The following NLRP3 variants were observed in gnomAD, a reference collection of about 807,000 sequenced individuals.
NLRP3 encodes the protein NLR family pyrin domain containing 3.
Under a neutral mutation model 91.3 loss-of-function variants are expected in NLRP3, and 48 were observed. That is an observed-to-expected ratio of 0.53 (90% CI 0.42 to 0.67). The LOEUF is 0.67. NLRP3 is among the 30% of genes least tolerant of loss of function. The probability of loss-of-function intolerance (pLI) is 0.00; values close to 1 mark genes in which losing one functional copy is unlikely to be tolerated. For synonymous variants in NLRP3, 561 were observed against 507.9 expected (o/e 1.10, Z -1.41); for missense variants, 982 against 1,276.9 (o/e 0.77, Z 3.52).
intron 9 of NLRP3, among the ~76,000 whole-genome samples, chr1:247,446,574 C>T (rs1664598219): frequency 6.6e-6 from 1 of 152,202 alleles, no homozygotes; most frequent in South Asian, 2.1e-4. Flanking sequence ...CTAGAACTCT[C>T]TCCCCTTCAG....
chr1:247,432,861 T>G (rs1414221305), intron 5 of NLRP3, among the ~76,000 whole-genome samples: 1 of 151,946 alleles, frequency 6.6e-6, no homozygotes, highest in Non-Finnish European at 1.5e-5. Flanking sequence ...TGTGCGTGTG[T>G]GTTTGTGTGC....
At chr1:247,427,004 A>G (rs963514223) in intron 4 of NLRP3, among the ~76,000 whole-genome samples, 5 of 152,220 alleles carry the variant, frequency 3.3e-5, no homozygotes, top group Admixed American at 3.3e-4. Flanking sequence ...TCAGGTTGCC[A>G]TAACAAAACA....
At chr1:247,417,421 T>C (rs1662136058) in intron 1 of NLRP3, among the ~76,000 whole-genome samples, 2 of 152,232 alleles carry the variant, frequency 1.3e-5, no homozygotes, top group South Asian at 4.1e-4. Flanking sequence ...ATTATAATGA[T>C]AACAATTGCG....
intron 9 of NLRP3, among the ~76,000 whole-genome samples, chr1:247,445,024 C>T (rs1003470747): frequency 1.3e-5 from 2 of 152,134 alleles, no homozygotes; most frequent in Admixed American, 1.3e-4. Context: ...GTTAGAATCA[C>T]CAAGGCTAAG....
Position 247,444,017 on chromosome 1 carries a change from C to T in NLRP3, c.2709C>T (p.Ser903=), listed in dbSNP as rs145787821. 1.9e-6 allele frequency: 3 copies of T among 1,614,146 alleles called. No homozygotes were observed. In the South Asian group the frequency reaches 3.3e-5, roughly 18 times the overall value. Residue 903 remains serine (S), a synonymous_variant, in exon 8 of 10, where the codon TCC becomes TCT. Coordinates refer to ENST00000336119, the MANE Select transcript of NLRP3 (RefSeq NM_001243133.2). ...GLTSVCCSAL[S]SVLSTNQNLT... ...CGTCAGTCTGTTGTTCAGCTTTGTC[C>T]TCGGTACTCAGCACTAATCAGAATC...
chr1:247,424,624 C>A lies in NLRP3; in HGVS notation c.1175C>A (p.Ala392Glu), dbSNP rs1553286687. 1.9e-6 allele frequency: 3 copies of A among 1,614,248 alleles called. No individual in the cohort carries two copies. Among genetic ancestry groups the A allele is most frequent in the Non-Finnish European group, 1.7e-6 (2 of 1,180,054 alleles). Residue 392 changes from alanine (A) to glutamate (E), a missense_variant, in exon 4 of 10, where the codon GCA (alanine) becomes GAA (glutamate). Coordinates refer to ENST00000336119, the MANE Select transcript of NLRP3 (RefSeq NM_001243133.2). The surrounding 1 kb of genome is among the most constrained non-coding windows in gnomAD (Gnocchi z 8.1). ...KYFSDEAQARAAFSLIQENEV... is the reference protein window; with the variant it reads ...KYFSDEAQAREAFSLIQENEV... ...TTCTCTGATGAGGCCCAAGCCAGGG[C>A]AGCCTTCAGTCTGATTCAGGAGAAC...
chr1:247,418,341 G>A lies in NLRP3; in HGVS notation c.-460G>A, dbSNP rs199475727. On this transcript the variant is annotated 5_prime_UTR_variant, in exon 2 of 10. Transcript: ENST00000336119. ...TTTTGAGATGGAGTCTTGCTGTGTC[G>A]CCTAGGCTGGAGTGCAGTGGCGTGA... The A allele has an allele frequency of 4.6e-4, 98 of 212,248 alleles. No individual in the cohort carries two copies. Among genetic ancestry groups the A allele is most frequent in the Non-Finnish European group, 7.5e-4 (77 of 103,294 alleles). The allele number at this position is 212,248 out of a possible 1,614,324, so 13.1% of individuals were successfully genotyped here. A position where few individuals can be genotyped will look rare whatever the true frequency, so the allele number is the denominator to read the frequency against.
At chr1:247,435,467 C>T (rs74772537) in intron 6 of NLRP3, among the ~76,000 whole-genome samples, 1,524 of 152,226 alleles carry the variant, frequency 0.01, 9 homozygotes, top group Non-Finnish European at 0.016. Context: ...AAGCTAGACT[C>T]GAAAGGGCAA....
At chr1:247,447,079 T>C (rs777914283) in intron 9 of NLRP3, among the ~76,000 whole-genome samples, 27 of 152,344 alleles carry the variant, frequency 1.8e-4, no homozygotes, top group Non-Finnish European at 2.8e-4. Context: ...GAAGAATCCA[T>C]GAATGCAATC....
intron 7 of NLRP3, among the ~76,000 whole-genome samples, chr1:247,441,155 CTCTCTT>C (rs1413890829): frequency 0.02 from 2,984 of 148,364 alleles, 104 homozygotes; most frequent in African/African-American, 0.07. Flanking sequence ...TTCTCTCTCT[CTCTCTT>C]TCTTTCTTTC....
chr1:247,428,889 T>C (rs1160681835), intron 4 of NLRP3, among the ~76,000 whole-genome samples: 1 of 126,942 alleles, frequency 7.9e-6, no homozygotes, highest in Non-Finnish European at 1.7e-5. Context: ...CTTGCGATTT[T>C]CTTTTTCTTT....
chr1:247,439,313 T>G (rs1276351007), intron 7 of NLRP3, among the ~76,000 whole-genome samples: 1 of 152,218 alleles, frequency 6.6e-6, no homozygotes, highest in African/African-American at 2.4e-5. Context: ...CCCTCAGTTC[T>G]GGAGGCCAGA....
intron 9 of NLRP3, among the ~76,000 whole-genome samples, chr1:247,445,744 C>A (rs1190719887): frequency 1.3e-5 from 2 of 152,158 alleles, no homozygotes; most frequent in Non-Finnish European, 2.9e-5. Flanking sequence ...CCTGGGTTTT[C>A]TCCTATTTCA....
At position 247,418,681 on chromosome 1, in the gene NLRP3, G is replaced by A. The variant is rs1572151366; in HGVS notation, c.-120G>A. 7 of 1,235,046 alleles carry A rather than the reference G, an allele frequency of 5.7e-6. No individual in the cohort carries two copies. The Middle Eastern group carries it at 8.1e-4, about 143-fold the overall frequency. The allele number at this position is 1,235,046 out of a possible 1,614,324, so 76.5% of individuals were successfully genotyped here. On this transcript the variant is annotated 5_prime_UTR_variant, in exon 2 of 10. Transcript: ENST00000336119. ...TTTTCTTTCTGTTTGCTGAGTTTTTGATAATTTATATCTCTCAAAGTGGAG... is the reference window on the plus strand; with the variant it reads ...TTTTCTTTCTGTTTGCTGAGTTTTTAATAATTTATATCTCTCAAAGTGGAG...
rs751034703 is a variant in NLRP3 at position 247,425,613 on chromosome 1, G to A, written c.2150+14G>A. ...CTGTTCTCATGGGTAAGGAAACTCG[G>A]CTTCCAGGTGCTTCCTCCTGCTTCC... On this transcript the variant is annotated intron_variant, in intron 4 of 9. Transcript: ENST00000336119. The surrounding 1 kb of genome is among the most constrained non-coding windows in gnomAD (Gnocchi z 4.1). 3.7e-6 allele frequency: 6 copies of A among 1,600,512 alleles called. No homozygotes were observed. The highest frequency in any genetic ancestry group is 1.1e-5 in the South Asian group (1 of 90,982).
chr1:247,447,723 G>A (rs4593865), intron 9 of NLRP3, among the ~76,000 whole-genome samples: 4 of 152,168 alleles, frequency 2.6e-5, no homozygotes, highest in Admixed American at 2.6e-4. Flanking sequence ...GTGATACTAA[G>A]AAATTATTGT....
At position 247,448,287 on chromosome 1, in the gene NLRP3, T is replaced by A. The variant is rs771099676; in HGVS notation, c.3006-118T>A. The stretch of plus-strand genomic sequence containing the variant: ...GTCCCTCTTTTTTTTTTTTTTTTTT[T>A]TTTACATTTTAGAAGTGTGTGGAGT... On this transcript the variant is annotated intron_variant, in intron 9 of 9. Coordinates refer to ENST00000336119, the MANE Select transcript of NLRP3 (RefSeq NM_001243133.2). 8.7e-4 allele frequency: 455 copies of A among 525,354 alleles called. 2 individuals are homozygous for A. Among genetic ancestry groups the A allele is most frequent in the African/African-American group, 8.1e-3 (408 of 50,150 alleles). 32.5% of individuals were successfully genotyped at this position (525,354 alleles called of 1,614,324 possible).
intron 7 of NLRP3, among the ~76,000 whole-genome samples, chr1:247,442,281 T>C (rs780539309): frequency 4.6e-5 from 7 of 152,238 alleles, no homozygotes; most frequent in Non-Finnish European, 1.0e-4. Flanking sequence ...TTTCTGTATT[T>C]CTATTTTTCC....
At chr1:247,433,552 G>A (rs1460334828) in intron 5 of NLRP3, among the ~76,000 whole-genome samples, 1 of 152,054 alleles carries the variant, frequency 6.6e-6, no homozygotes, top group Non-Finnish European at 1.5e-5. Context: ...GAGACTGGGG[G>A]CTGACCTCCC....
Sources: allele counts gnomAD v4.1 joint callset (sites outside exome capture counted in the v4.1 genomes callset), GRCh38; gene constraint gnomAD v4.1.1; non-coding constraint Gnocchi (gnomAD v3.1); transcripts MANE v1.5; gene names NCBI Gene and HGNC (gene_info 2026-07-23, HGNC 2026-07-21).